Variants in TATDN3 observed in about 807,000 individuals in gnomAD.
TATDN3 encodes the protein TatD DNase domain containing 3, also known as deoxyribonuclease TATDN3.
TATDN3 carries 29 observed loss-of-function variants against 40.1 expected under a neutral mutation model. The ratio of observed to expected loss-of-function variants is 0.72; its 90% CI spans 0.54 to 0.99. The LOEUF is 0.99. Among genes scored for constraint, TATDN3 ranks in the 50% least tolerant of loss-of-function variants. TATDN3 has a pLI of 0.00. For synonymous variants in TATDN3, 105 were observed against 117.0 expected (o/e 0.90, Z 0.66); for missense variants, 309 against 321.9 (o/e 0.96, Z 0.31).
intron 8 of TATDN3, among the ~76,000 whole-genome samples, chr1:212,809,450 C>T (rs1319170253): frequency 2.6e-5 from 4 of 152,064 alleles, no homozygotes; most frequent in Non-Finnish European, 5.9e-5. Flanking sequence ...TTTGGGAGGC[C>T]GAGGCGGGCA....
rs111234469 is a variant in TATDN3, at chr1:212,807,289, G to A, written c.488-447G>A. Among the ~76,000 whole-genome samples the A allele has an allele frequency of 3.4e-3, 511 of 151,980 alleles. 3 individuals are homozygous for A. The highest frequency in any genetic ancestry group is 0.011 in the African/African-American group (471 of 41,452). On this transcript the variant is annotated intron_variant, in intron 7 of 9. Coordinates refer to ENST00000366974, the MANE Select transcript of TATDN3 (RefSeq NM_001042552.3). ...ATTTTTTGAGACAGAGTCTCACTCC[G>A]ATGCCCAGCCTAGAGTGCAGTGGTG...
chr1:212,797,070 A>C (rs767481395), intron 3 of TATDN3, 42 bp from the exon 4 acceptor site: 4 of 1,417,936 alleles, frequency 2.8e-6, no homozygotes, highest in Non-Finnish European at 4.0e-6. Flanking sequence ...GTAATCTACT[A>C]GTCTACTGTT....
chr1:212,796,065 T>C (rs1661737162), intron 2 of TATDN3, among the ~76,000 whole-genome samples: 1 of 152,262 alleles, frequency 6.6e-6, no homozygotes, highest in South Asian at 2.1e-4. Flanking sequence ...TTTGATTTGC[T>C]TAGAAAAATT....
At chr1:212,799,689 C>T (rs1236472576) in intron 4 of TATDN3, among the ~76,000 whole-genome samples, 1 of 152,060 alleles carries the variant, frequency 6.6e-6, no homozygotes. Flanking sequence ...AGGCATGCAC[C>T]ACTACACCCG....
chr1:212,796,552 T>C lies in TATDN3; in HGVS notation c.135T>C (p.His45=). The change falls in exon 3 of 10, where the codon CAT becomes CAC. Residue 45 remains histidine (H), a synonymous_variant. Coordinates refer to ENST00000366974, the MANE Select transcript of TATDN3 (RefSeq NM_001042552.3). ...NVVALVAVAE[H]SGEFEKIMQL... ...TGGCCCTTGTGGCAGTTGCCGAACATTCAGGAGAATTTGAAAAGATTATGC... is the reference window on the plus strand; with the variant it reads ...TGGCCCTTGTGGCAGTTGCCGAACACTCAGGAGAATTTGAAAAGATTATGC... 6.4e-7 allele frequency: 1 copy of C among 1,566,032 alleles called. No homozygotes were observed. Among genetic ancestry groups the C allele is most frequent in the Non-Finnish European group, 8.6e-7 (1 of 1,159,424 alleles).
intron 2 of TATDN3, among the ~76,000 whole-genome samples, chr1:212,796,111 T>C (rs138613436): frequency 6.6e-6 from 1 of 152,352 alleles, no homozygotes; most frequent in Non-Finnish European, 1.5e-5. Context: ...TCATTGTAAC[T>C]AGCATTTTGT....
chr1:212,797,261 A>G (rs554812227), intron 4 of TATDN3, 65 bp downstream of exon 4: 20 of 1,169,372 alleles, frequency 1.7e-5, no homozygotes, highest in South Asian at 5.2e-5. Flanking sequence ...TGACTCAGTA[A>G]TCCTCCTCTT....
chr1:212,793,491 C>T (rs1160081333), intron 1 of TATDN3, among the ~76,000 whole-genome samples: 3 of 152,010 alleles, frequency 2.0e-5, no homozygotes, highest in Admixed American at 6.6e-5. Context: ...TGGGATTACA[C>T]AAAAATGGAT....
Position 212,804,305 on chromosome 1 carries a change from A to G in TATDN3, c.322-15A>G. 1 of 1,595,476 alleles carries G rather than the reference A, an allele frequency of 6.3e-7. No individual in the cohort carries two copies. The highest frequency in any genetic ancestry group is 1.1e-5 in the South Asian group (1 of 90,132). ...TAAACCTAAATATGTAATATCTTTT[A>G]TTTTTCTGCTCTAGGTTGGACTAGA... On this transcript the variant is annotated splice_polypyrimidine_tract_variant and intron_variant, in intron 5 of 9. Coordinates refer to ENST00000366974, the MANE Select transcript of TATDN3 (RefSeq NM_001042552.3).
intron 4 of TATDN3, 113 bp downstream of exon 4, chr1:212,797,309 A>C (rs999224440): frequency 2.6e-6 from 2 of 772,642 alleles, no homozygotes. Flanking sequence ...CAAAAGAAGG[A>C]AACATTACCT....
At chr1:212,801,335 A>G (rs147446101) in intron 4 of TATDN3, among the ~76,000 whole-genome samples, 1 of 152,260 alleles carries the variant, frequency 6.6e-6, no homozygotes, top group African/African-American at 2.4e-5. Context: ...CTACTAAAAT[A>G]AAATGACAAA....
rs1176201816 is a variant in TATDN3, at chr1:212,791,939, A to G, written c.18A>G (p.Val6=). 4.3e-6 allele frequency: 7 copies of G among 1,613,560 alleles called. No individual in the cohort carries two copies. Among genetic ancestry groups the G allele is most frequent in the African/African-American group, 1.3e-5 (1 of 74,924 alleles). MRAAG[V]GLVDCHCHLS... ...GGGGCGCAATGCGAGCGGCTGGCGT[A>G]GGCTTGGTGGACTGTCACTGCCACC... The change falls in exon 1 of 10, where the codon GTA becomes GTG. Residue 6 remains valine (V), a synonymous_variant. Coordinates refer to ENST00000366974, the MANE Select transcript of TATDN3 (RefSeq NM_001042552.3).
chr1:212,810,270 G>T (rs1219908896), intron 8 of TATDN3, among the ~76,000 whole-genome samples: 1 of 152,076 alleles, frequency 6.6e-6, no homozygotes, highest in Non-Finnish European at 1.5e-5. Flanking sequence ...AGCACTTTGG[G>T]AGGCCAAGGC....
chr1:212,804,230 A>G, intron 5 of TATDN3, 90 bp from the exon 6 acceptor site: 1 of 836,254 alleles, frequency 1.2e-6, no homozygotes, highest in Non-Finnish European at 1.9e-6. Context: ...GCCTCACATT[A>G]TATATTTCTA....
At chr1:212,802,202 T>C (rs1325374908) in intron 4 of TATDN3, among the ~76,000 whole-genome samples, 1 of 152,202 alleles carries the variant, frequency 6.6e-6, no homozygotes, top group East Asian at 1.9e-4. Flanking sequence ...TTGCTGGGCA[T>C]CTAGAACAAG....
Position 212,796,535 on chromosome 1 carries a change from G to A in TATDN3, c.118G>A (p.Val40Met). Residue 40 changes from valine (V) to methionine (M), a missense_variant, in exon 3 of 10, where the codon GTG becomes ATG. By Grantham distance (21) the Val-to-Met change is conservative. Coordinates refer to ENST00000366974, the MANE Select transcript of TATDN3 (RefSeq NM_001042552.3). ...TTTTCAGGCCAATGTTGTGGCCCTT[G>A]TGGCAGTTGCCGAACATTCAGGAGA... ...KAKKANVVAL[V>M]AVAEHSGEFE... 5.9e-6 allele frequency: 9 copies of A among 1,532,308 alleles called. No individual in the cohort carries two copies. The highest frequency in any genetic ancestry group is 7.9e-6 in the Non-Finnish European group (9 of 1,142,636). 94.9% of individuals were successfully genotyped at this position (1,532,308 alleles called of 1,614,324 possible).
chr1:212,813,973 TA>T (rs1242930379), intron 9 of TATDN3, among the ~76,000 whole-genome samples: 1 of 119,212 alleles, frequency 8.4e-6, no homozygotes, highest in Non-Finnish European at 2.0e-5. Context: ...CCTCTGTATA[TA>T]TATTTTTTTT....
At chr1:212,799,309 T>A (rs529636714) in intron 4 of TATDN3, among the ~76,000 whole-genome samples, 9 of 151,806 alleles carry the variant, frequency 5.9e-5, no homozygotes, top group Non-Finnish European at 1.2e-4. Context: ...ATGAGTTTGG[T>A]GAAGAAAAAA....
chr1:212,793,778 T>TA (rs1661523685), intron 1 of TATDN3, among the ~76,000 whole-genome samples: 1 of 152,148 alleles, frequency 6.6e-6, no homozygotes, highest in Admixed American at 6.6e-5. Flanking sequence ...TAGCTTGTGC[T>TA]ATAGGGAAGA....
Sources: gnomAD v4.1 joint callset for allele counts (sites outside exome capture counted in the v4.1 genomes callset) on GRCh38, gnomAD v4.1.1 for gene constraint, MANE v1.5 for transcripts, NCBI Gene and HGNC (gene_info 2026-07-23, HGNC 2026-07-21) for gene names.